Variants in ROCK1 observed in about 807,000 individuals in gnomAD.
ROCK1 encodes rho-associated protein kinase 1.
A neutral mutation model predicts 196.8 loss-of-function variants in ROCK1; 36 were observed. The ratio of observed to expected loss-of-function variants is 0.18; its 90% CI spans 0.14 to 0.24. The LOEUF is 0.24. ROCK1 is among the 10% of genes least tolerant of loss of function. The pLI is 1.00. For missense variants in ROCK1, 920 were observed against 1,562.0 expected (o/e 0.59, Z 6.93); for synonymous variants, 443 against 515.9 (o/e 0.86, Z 1.91).
chr18:21,109,254 G>A (rs1200937593), intron 1 of ROCK1, among the ~76,000 whole-genome samples: 6 of 152,178 alleles, frequency 3.9e-5, no homozygotes, highest in Non-Finnish European at 7.3e-5. Context: ...CAGGGAAAGA[G>A]TCATGACTTA....
At chr18:21,042,538 G>A (rs771987755) in intron 7 of ROCK1, 27 bp downstream of exon 7, 2 of 1,610,074 alleles carry the variant, frequency 1.2e-6, no homozygotes, top group African/African-American at 1.3e-5. Flanking sequence ...AACTGTAATA[G>A]AGAGACATAA....
At chr18:21,096,817 C>A (rs1393573127) in intron 1 of ROCK1, among the ~76,000 whole-genome samples, 1 of 152,056 alleles carries the variant, frequency 6.6e-6, no homozygotes, top group Non-Finnish European at 1.5e-5. Flanking sequence ...TAATACTGAA[C>A]ACTGATGTCT....
At chr18:21,049,348 AGTTATT>A (rs1436388100) in intron 3 of ROCK1, 119 bp from the exon 4 acceptor site, 1 of 765,842 alleles carries the variant, frequency 1.3e-6, no homozygotes, top group African/African-American at 1.8e-5. Flanking sequence ...TTACTGTTTC[AGTTATT>A]TTTATTTCTT....
At chr18:21,036,932 C>A (rs2036062597) in intron 9 of ROCK1, among the ~76,000 whole-genome samples, 1 of 151,736 alleles carries the variant, frequency 6.6e-6, no homozygotes, top group Admixed American at 6.6e-5. Context: ...TTTTTTCCCC[C>A]AAATTTAACT....
chr18:20,960,219 G>T lies in ROCK1; in HGVS notation c.3353-13C>A, dbSNP rs375202284. The T allele has an allele frequency of 1.4e-5, 20 of 1,464,520 alleles. No homozygotes were observed. The highest frequency in any genetic ancestry group is 1.7e-5 in the Non-Finnish European group (18 of 1,044,380). The allele number at this position is 1,464,520 out of a possible 1,614,324, so 90.7% of individuals were successfully genotyped here. ...TCAATTCTTGACTCTAGGAGAAAAA[G>T]AATATATGTATTAGTCAGTCTTAAA... On this transcript the variant is annotated splice_polypyrimidine_tract_variant and intron_variant, in intron 27 of 32. Transcript: ENST00000399799.
At chr18:20,984,615 T>C in intron 19 of ROCK1, 80 bp from the exon 20 acceptor site, 1 of 1,007,666 alleles carries the variant, frequency 9.9e-7, no homozygotes, top group Admixed American at 2.6e-5. Flanking sequence ...ACTAACCAAA[T>C]CAAGTACATT....
At chr18:20,953,286 C>T in intron 32 of ROCK1, 1 of 244,196 alleles carries the variant, frequency 4.1e-6, no homozygotes, top group Non-Finnish European at 7.8e-6. Context: ...TGAATTTCTG[C>T]ATTAAAAAAA....
chr18:21,069,297 A>G (rs1184526855), intron 2 of ROCK1, among the ~76,000 whole-genome samples: 1 of 152,066 alleles, frequency 6.6e-6, no homozygotes, highest in Non-Finnish European at 1.5e-5. Flanking sequence ...CCTGGCATAA[A>G]CTATCCTTGG....
chr18:21,078,967 G>A lies in ROCK1; in HGVS notation c.94-8354C>T, dbSNP rs192970976. ...CCTGTGTAATAAACTTGTCCTTCAG[G>A]ATGAGCTGTCCCTCAACTAAATTGG... On this transcript the variant is annotated intron_variant, in intron 1 of 32. Transcript: ENST00000399799. 4.6e-5 allele frequency among the ~76,000 whole-genome samples: 7 copies of A among 152,120 alleles called. No individual in the cohort carries two copies. The East Asian group carries it at 1.4e-3, about 29-fold the overall frequency.
intron 1 of ROCK1, among the ~76,000 whole-genome samples, chr18:21,074,832 A>T (rs2036415773): frequency 6.6e-6 from 1 of 152,244 alleles, no homozygotes; most frequent in African/African-American, 2.4e-5. Flanking sequence ...GGTACTACAT[A>T]AATAGAGAAA....
intron 29 of ROCK1, among the ~76,000 whole-genome samples, chr18:20,958,359 C>A (rs1159985143): frequency 6.6e-6 from 1 of 152,118 alleles, no homozygotes; most frequent in African/African-American, 2.4e-5. Context: ...TTTTAAAAAG[C>A]AGTTACCAGA....
intron 4 of ROCK1, among the ~76,000 whole-genome samples, chr18:21,046,545 T>C (rs2036161010): frequency 6.6e-6 from 1 of 152,156 alleles, no homozygotes; most frequent in African/African-American, 2.4e-5. Flanking sequence ...CAGTAATAGC[T>C]AACACAGAAG....
At position 20,951,082 on chromosome 18, in the gene ROCK1, C is replaced by G; in HGVS notation, c.*302G>C. On this transcript the variant is annotated 3_prime_UTR_variant, in exon 33 of 33. Transcript: ENST00000399799. The stretch of plus-strand genomic sequence containing the variant: ...GAAAACTCTGTTCTATCACGACTGA[C>G]AGGCATTTTCTTATAAATCCAAAAA... 1 of 277,236 alleles carries G rather than the reference C, an allele frequency of 3.6e-6. No individual in the cohort carries two copies. The highest frequency in any genetic ancestry group is 5.2e-5 in the Admixed American group (1 of 19,196). 17.2% of individuals were successfully genotyped at this position (277,236 alleles called of 1,614,324 possible).
chr18:21,034,327 A>C (rs1287844647), intron 9 of ROCK1, among the ~76,000 whole-genome samples: 1 of 152,192 alleles, frequency 6.6e-6, no homozygotes, highest in African/African-American at 2.4e-5. Flanking sequence ...ATCTCATGAG[A>C]TCCCAAATAG....
At chr18:21,004,152 G>A (rs537771979) in intron 16 of ROCK1, among the ~76,000 whole-genome samples, 49 of 152,204 alleles carry the variant, frequency 3.2e-4, no homozygotes, top group African/African-American at 1.2e-3. Context: ...AAACATCAGG[G>A]CTGCAGCCTG....
At chr18:21,006,235 G>A (rs958256326) in intron 16 of ROCK1, 116 bp downstream of exon 16, 3 of 767,982 alleles carry the variant, frequency 3.9e-6, no homozygotes, top group Non-Finnish European at 6.1e-6. Flanking sequence ...TATGATGATG[G>A]TTGCATACAT....
At chr18:21,052,302 A>G (rs1165236472) in intron 2 of ROCK1, among the ~76,000 whole-genome samples, 2 of 152,236 alleles carry the variant, frequency 1.3e-5, no homozygotes, top group African/African-American at 4.8e-5. Context: ...TAGAACTAAT[A>G]AAGAACTTAA....
rs778845394 is a variant in ROCK1, at chr18:21,034,424, T to C, written c.1051+5048A>G. ...CTACAGAGCTACCATAATCATACAG[T>C]GTGGTACCAACATAAAAACAAACTT... On this transcript the variant is annotated intron_variant, in intron 9 of 32. Coordinates refer to ENST00000399799, the MANE Select transcript of ROCK1 (RefSeq NM_005406.3). 3.9e-5 allele frequency among the ~76,000 whole-genome samples: 6 copies of C among 152,160 alleles called. 1 individual carries two copies. Among genetic ancestry groups the C allele is most frequent in the African/African-American group, 7.2e-5 (3 of 41,444 alleles).
intron 1 of ROCK1, among the ~76,000 whole-genome samples, chr18:21,083,354 T>A (rs2036498001): frequency 6.6e-6 from 1 of 152,082 alleles, no homozygotes; most frequent in African/African-American, 2.4e-5. Context: ...TAATCTCAGA[T>A]CACAAATAGC....
Sources: allele counts gnomAD v4.1 joint callset (sites outside exome capture counted in the v4.1 genomes callset), GRCh38; gene constraint gnomAD v4.1.1; transcripts MANE v1.5; gene names NCBI Gene and HGNC (gene_info 2026-07-23, HGNC 2026-07-21).